The following TMEM164 variants were observed in gnomAD, a reference collection of about 807,000 sequenced individuals.
TMEM164 encodes transmembrane protein 164, also known as RP13-360B22.2.
TMEM164 carries 4 observed loss-of-function variants against 18.8 expected under a neutral mutation model. That is an observed-to-expected ratio of 0.21 (90% CI 0.10 to 0.49). The LOEUF (loss-of-function observed/expected upper bound fraction) is 0.49, where lower values mean the gene tolerates loss of function less well. Ranked by LOEUF, TMEM164 falls within the 20% of genes least tolerant of loss-of-function variation. The pLI is 0.98. For synonymous variants in TMEM164, 86 were observed against 101.7 expected (o/e 0.85, Z 0.93); for missense variants, 108 against 239.9 (o/e 0.45, Z 3.63).
rs374039837 is a variant in TMEM164 at position 110,106,620 on chromosome X, C to T, written c.441-2460C>T. Among the ~76,000 whole-genome samples the T allele has an allele frequency of 6.1e-4, 68 of 111,435 alleles. No homozygotes were observed. In the East Asian group the frequency reaches 9.6e-3, roughly 16 times the overall value. Reference sequence around the variant, plus strand: ...GACTCCTGACCTCAAGTGATCCTCCCGCCTCAGCCTCCCAAAGTGCTGGGA... The same window carrying T: ...GACTCCTGACCTCAAGTGATCCTCCTGCCTCAGCCTCCCAAAGTGCTGGGA... On this transcript the variant is annotated intron_variant, in intron 3 of 6. Coordinates refer to ENST00000372068, the MANE Select transcript of TMEM164 (RefSeq NM_032227.4).
chrX:110,011,196 A>T lies in TMEM164; in HGVS notation c.390+7032A>T, dbSNP rs947269205. Among the ~76,000 whole-genome samples, 84 of 112,717 alleles carry T rather than the reference A, an allele frequency of 7.5e-4. 1 individual carries two copies. The highest frequency in any genetic ancestry group is 2.5e-3 in the African/African-American group (79 of 31,048). On this transcript the variant is annotated intron_variant, in intron 2 of 6. Transcript: ENST00000372068. ...CAAAAACAAAACCAAAAACAAAAAAAAAAGAAGAAGTAGCCTTTGCCTTCA... is the reference window on the plus strand; with the variant it reads ...CAAAAACAAAACCAAAAACAAAAAATAAAGAAGAAGTAGCCTTTGCCTTCA...
At chrX:110,072,108 C>T (rs973400171) in intron 3 of TMEM164, among the ~76,000 whole-genome samples, 1 of 108,196 alleles carries the variant, frequency 9.2e-6, no homozygotes, top group African/African-American at 3.4e-5. Flanking sequence ...CAAGACCAGC[C>T]TTACCAACAT....
chrX:110,159,435 C>T (rs1476115184), intron 5 of TMEM164, among the ~76,000 whole-genome samples: 1 of 110,723 alleles, frequency 9.0e-6, no homozygotes, highest in Non-Finnish European at 1.9e-5. Flanking sequence ...CAGATGATCC[C>T]AGCAGAGGCG....
intron 2 of TMEM164, among the ~76,000 whole-genome samples, chrX:110,052,293 T>A (rs906270073): frequency 1.5e-4 from 17 of 111,647 alleles, no homozygotes; most frequent in African/African-American, 5.5e-4. Flanking sequence ...ATCTGGTATA[T>A]TTATGTTTGG....
chrX:110,148,220 C>T (rs2066885788), intron 5 of TMEM164, among the ~76,000 whole-genome samples: 1 of 111,363 alleles, frequency 9.0e-6, no homozygotes, highest in Admixed American at 9.6e-5. Flanking sequence ...TTCCTGTCTA[C>T]TCTGTTCAAA....
chrX:110,070,142 C>T (rs764933369), intron 3 of TMEM164, among the ~76,000 whole-genome samples: 50 of 110,978 alleles, frequency 4.5e-4, no homozygotes, highest in African/African-American at 1.6e-3. Context: ...ATAGTGAAAC[C>T]GCATCTCTAC....
intron 5 of TMEM164, among the ~76,000 whole-genome samples, chrX:110,155,127 G>A (rs978993165): frequency 9.0e-6 from 1 of 111,595 alleles, no homozygotes; most frequent in South Asian, 3.8e-4. Context: ...TTCTAAAGCC[G>A]CAGAACCTTG....
chrX:110,124,104 G>A (rs1168578269), intron 4 of TMEM164, among the ~76,000 whole-genome samples: 1 of 102,061 alleles, frequency 9.8e-6, no homozygotes, highest in Non-Finnish European at 2.0e-5. Flanking sequence ...GACAGAGTGA[G>A]AACCTGTAAT....
At chrX:110,011,116 G>A (rs754894559) in intron 2 of TMEM164, among the ~76,000 whole-genome samples, 2 of 111,503 alleles carry the variant, frequency 1.8e-5, no homozygotes, top group East Asian at 2.8e-4. Flanking sequence ...AAACATTGGT[G>A]CCAGGTATTG....
At position 110,003,978 on chromosome X, in the gene TMEM164, T is replaced by C. The variant is rs1254918786; in HGVS notation, c.204T>C (p.Gly68=). 1 of 1,210,950 alleles carries C rather than the reference T, an allele frequency of 8.3e-7. No individual in the cohort carries two copies. The highest frequency in any genetic ancestry group is 1.1e-6 in the Non-Finnish European group (1 of 895,272). The stretch of plus-strand genomic sequence containing the variant: ...TCCTGAGGCAGACGAAGGAGGACGG[T>C]AGGGGTAGCCCTGGCAGCCAGCCAG... The part of the protein sequence containing the change: ...RHILRQTKED[G]RGSPGSQPEQ... Residue 68 remains glycine, a synonymous_variant, in exon 2 of 7, where the codon GGT becomes GGC. Coordinates refer to ENST00000372068, the MANE Select transcript of TMEM164 (RefSeq NM_032227.4).
chrX:110,022,495 G>A (rs1221903570), intron 2 of TMEM164, among the ~76,000 whole-genome samples: 1 of 111,268 alleles, frequency 9.0e-6, no homozygotes, highest in East Asian at 2.8e-4. Flanking sequence ...TGGCATATAG[G>A]TATTTGATCA....
At chrX:110,170,182 C>T (rs1401489533) in intron 5 of TMEM164, among the ~76,000 whole-genome samples, 2 of 112,450 alleles carry the variant, frequency 1.8e-5, no homozygotes, top group African/African-American at 6.5e-5. Flanking sequence ...ATTCCTAGGC[C>T]CCTCCTTAAG....
intron 4 of TMEM164, among the ~76,000 whole-genome samples, chrX:110,143,295 G>A (rs1299175974): frequency 9.0e-6 from 1 of 111,729 alleles, no homozygotes; most frequent in Non-Finnish European, 1.9e-5. Context: ...AAAGCATAAA[G>A]CAGTACCTAA....
chrX:110,111,600 A>G (rs1428567976), intron 4 of TMEM164, among the ~76,000 whole-genome samples: 6 of 112,265 alleles, frequency 5.3e-5, no homozygotes, highest in Non-Finnish European at 1.1e-4. Context: ...TTTCCAGCCC[A>G]CAACTCTGGC....
chrX:110,108,725 G>A (rs1032865341), intron 3 of TMEM164, among the ~76,000 whole-genome samples: 1 of 111,668 alleles, frequency 9.0e-6, no homozygotes, highest in Non-Finnish European at 1.9e-5. Flanking sequence ...CTTACCTCCC[G>A]CAGTTCCCCT....
rs190289730 is a variant in TMEM164 at position 110,125,566 on chromosome X, G to A, written c.507+16420G>A. ...GGGGCACTGCAATCAAAGGGCTGGG[G>A]GCCCCCAGAGTCCTGGCTCAGGAGA... On this transcript the variant is annotated intron_variant, in intron 4 of 6. Coordinates refer to ENST00000372068, the MANE Select transcript of TMEM164 (RefSeq NM_032227.4). Among the ~76,000 whole-genome samples, 45 of 112,048 alleles carry A rather than the reference G, an allele frequency of 4.0e-4. No individual in the cohort carries two copies. In the East Asian group the frequency reaches 0.013, roughly 32 times the overall value.
At chrX:110,093,768 A>C (rs1188903313) in intron 3 of TMEM164, among the ~76,000 whole-genome samples, 1 of 111,193 alleles carries the variant, frequency 9.0e-6, no homozygotes, top group Non-Finnish European at 1.9e-5. Flanking sequence ...TAGTTCTTTT[A>C]ACTGTGATTT....
intron 4 of TMEM164, among the ~76,000 whole-genome samples, chrX:110,110,460 C>A (rs769718309): frequency 8.9e-6 from 1 of 112,025 alleles, no homozygotes; most frequent in South Asian, 3.7e-4. Context: ...AAATTAAAAA[C>A]AAACACTGAT....
chrX:110,130,148 C>G (rs1569342391), intron 4 of TMEM164, among the ~76,000 whole-genome samples: 1 of 112,101 alleles, frequency 8.9e-6, no homozygotes, highest in African/African-American at 3.2e-5. Flanking sequence ...AATTCCAGAT[C>G]CATGCTCACA....
Sources: allele counts gnomAD v4.1 joint callset (sites outside exome capture counted in the v4.1 genomes callset), GRCh38; gene constraint gnomAD v4.1.1; transcripts MANE v1.5; gene names NCBI Gene and HGNC (gene_info 2026-07-23, HGNC 2026-07-21).